The following ATXN7 variants were observed in gnomAD, a reference collection of about 807,000 sequenced individuals.
The protein encoded by ATXN7 is ataxin-7.
A neutral mutation model predicts 70.5 loss-of-function variants in ATXN7; 12 were observed. That is an observed-to-expected ratio of 0.17 (90% CI 0.11 to 0.28). The LOEUF (loss-of-function observed/expected upper bound fraction) is 0.28. Among genes scored for constraint, ATXN7 ranks in the 10% least tolerant of loss-of-function variants. The pLI is 1.00. For missense variants in ATXN7, 1,256 were observed against 1,131.7 expected, an observed-to-expected ratio of 1.11 and a Z score of -1.58; for synonymous variants, 498 against 448.7, an observed-to-expected ratio of 1.11 and a Z score of -1.39.
In ATXN7 at chr3:63,952,590, C is replaced by A. The variant is rs533114875; in HGVS notation, c.499+107C>A. 119 of 599,434 alleles carry A rather than the reference C, an allele frequency of 2.0e-4. 1 individual carries two copies. The South Asian group carries it at 4.4e-3, about 22-fold the overall frequency. 37.1% of individuals were successfully genotyped at this position (599,434 alleles called of 1,614,324 possible). ...CATGGGACATAATGTCCCTCCCCCA[C>A]CAGGAAGTAGGCTTTTTAATTCACT... On this transcript the variant is annotated intron_variant, in intron 5 of 12. Coordinates refer to ENST00000674280, the MANE Select transcript of ATXN7 (RefSeq NM_001377405.1).
At chr3:63,916,818 T>C (rs1173117323) in intron 4 of ATXN7, among the ~76,000 whole-genome samples, 1 of 152,266 alleles carries the variant, frequency 6.6e-6, no homozygotes, top group East Asian at 1.9e-4. Flanking sequence ...TGTATTTGTA[T>C]TGCCTTATTC....
upstream of ATXN7, chr3:63,863,744 G>A (rs898512291): frequency 4.8e-6 from 6 of 1,249,788 alleles, no homozygotes; most frequent in Middle Eastern, 3.1e-4. Flanking sequence ...CGTGCAGCGG[G>A]CGCGTGTGGC....
chr3:63,874,137 A>G (rs73130534), intron 1 of ATXN7, among the ~76,000 whole-genome samples: 17,193 of 152,276 alleles, frequency 0.11, 1,074 homozygotes, highest in Admixed American at 0.16. Context: ...TTCCTAAAAT[A>G]TGCATTTTCC....
intron 4 of ATXN7, among the ~76,000 whole-genome samples, chr3:63,913,938 C>A (rs1008956434): frequency 4.6e-5 from 7 of 152,092 alleles, no homozygotes; most frequent in Admixed American, 1.3e-4. Flanking sequence ...TTGAGATTTT[C>A]TTTTTCTTTG....
intron 4 of ATXN7, among the ~76,000 whole-genome samples, chr3:63,921,689 CA>C (rs1179835743): frequency 2.6e-5 from 4 of 151,964 alleles, no homozygotes; most frequent in African/African-American, 9.7e-5. Context: ...CTGGGAACCC[CA>C]GTTCTAGAAT....
At chr3:63,998,572 A>C in intron 12 of ATXN7, 1 of 985,228 alleles carries the variant, frequency 1.0e-6, no homozygotes, top group Non-Finnish European at 1.2e-6. Flanking sequence ...ATCAGTTTCC[A>C]CTTAAGTTTG....
At chr3:63,880,798 A>C (rs891293771) in intron 1 of ATXN7, among the ~76,000 whole-genome samples, 1 of 152,194 alleles carries the variant, frequency 6.6e-6, no homozygotes, top group Non-Finnish European at 1.5e-5. Flanking sequence ...CTTCTCATTC[A>C]AAGCACTCTT....
In ATXN7 at chr3:64,002,003, C is replaced by CA. The variant is rs77184837; in HGVS notation, c.*2551dup. 5,514 of 95,116 alleles carry CA rather than the reference C, an allele frequency of 0.058. 165 individuals carry two copies. Among genetic ancestry groups the CA allele is most frequent in the African/African-American group, 0.12 (3,183 of 26,498 alleles). The allele number at this position is 95,116 out of a possible 1,614,324, so 5.9% of individuals were successfully genotyped here. A position where few individuals can be genotyped will look rare whatever the true frequency, so the allele number is the denominator to read the frequency against. ...CAACTCCTGCAGTTTTCTTAACCTA[C>CA]AAAAAAAAAAAAAAAGTGCTGCAAT... On this transcript the variant is annotated 3_prime_UTR_variant, in exon 13 of 13. Transcript: ENST00000674280.
At chr3:63,965,065 G>T (rs1242801113) in intron 5 of ATXN7, among the ~76,000 whole-genome samples, 2 of 152,066 alleles carry the variant, frequency 1.3e-5, no homozygotes, top group African/African-American at 4.8e-5. Context: ...CACCTCTGCT[G>T]GCTTCTCAAG....
chr3:63,994,564 C>T (rs72876998), intron 11 of ATXN7, among the ~76,000 whole-genome samples: 2,619 of 152,298 alleles, frequency 0.017, 85 homozygotes, highest in African/African-American at 0.058. Context: ...TTTGCAAATA[C>T]TTGCAGTCAT....
At chr3:63,963,489 G>C (rs112197386) in intron 5 of ATXN7, among the ~76,000 whole-genome samples, 7 of 152,202 alleles carry the variant, frequency 4.6e-5, no homozygotes, top group Non-Finnish European at 8.8e-5. Flanking sequence ...TGCATTCTTA[G>C]TATGTAACTT....
At chr3:63,874,231 T>G (rs1702681849) in intron 1 of ATXN7, among the ~76,000 whole-genome samples, 1 of 152,242 alleles carries the variant, frequency 6.6e-6, no homozygotes, top group South Asian at 2.1e-4. Flanking sequence ...TGCATAGTGA[T>G]CCCCTTAGAA....
chr3:63,929,064 C>G (rs1228756069), intron 4 of ATXN7, among the ~76,000 whole-genome samples: 1 of 152,098 alleles, frequency 6.6e-6, no homozygotes, highest in Non-Finnish European at 1.5e-5. Context: ...ATGGTTAACT[C>G]TGAGAAAGCA....
At chr3:63,880,079 C>G (rs769203684) in intron 1 of ATXN7, among the ~76,000 whole-genome samples, 28 of 151,546 alleles carry the variant, frequency 1.8e-4, no homozygotes, top group Non-Finnish European at 1.9e-4. Context: ...GAGCAAGACT[C>G]CGTATCAAAA....
intron 4 of ATXN7, among the ~76,000 whole-genome samples, chr3:63,946,271 C>T (rs983096785): frequency 6.6e-6 from 1 of 152,070 alleles, no homozygotes; most frequent in Non-Finnish European, 1.5e-5. Flanking sequence ...GGGGCTAGTT[C>T]TTGTCGAACG....
intron 2 of ATXN7, among the ~76,000 whole-genome samples, chr3:63,909,627 G>C (rs57766205): frequency 0.16 from 24,924 of 152,142 alleles, 2,174 homozygotes; most frequent in African/African-American, 0.22. Flanking sequence ...ATCAGATGCA[G>C]TGTGTCAGCT....
intron 4 of ATXN7, among the ~76,000 whole-genome samples, chr3:63,941,571 G>C (rs961138568): frequency 1.1e-4 from 17 of 152,164 alleles, no homozygotes; most frequent in Admixed American, 1.1e-3. Context: ...GTGCCAGAAA[G>C]GTTGGGGACT....
intron 2 of ATXN7, among the ~76,000 whole-genome samples, chr3:63,903,092 T>G (rs1367768545): frequency 6.6e-6 from 1 of 151,974 alleles, no homozygotes; most frequent in African/African-American, 2.4e-5. Flanking sequence ...CACCACTTTT[T>G]CACAAAAATA....
At chr3:63,895,405 T>C (rs1703410962) in intron 1 of ATXN7, among the ~76,000 whole-genome samples, 1 of 152,254 alleles carries the variant, frequency 6.6e-6, no homozygotes, top group Admixed American at 6.5e-5. Context: ...GGGGTGTTTC[T>C]GAACCCTTCG....
Sources: allele counts gnomAD v4.1 joint callset (sites outside exome capture counted in the v4.1 genomes callset), GRCh38; gene constraint gnomAD v4.1.1; transcripts MANE v1.5; gene names NCBI Gene and HGNC (gene_info 2026-07-23, HGNC 2026-07-21).